Variants in WDFY4 observed in about 807,000 individuals in gnomAD.
WDFY4 encodes the protein WD repeat- and FYVE domain-containing protein 4.
In WDFY4, 169 loss-of-function variants were observed where a neutral mutation model predicts 351.9. That is an observed-to-expected ratio of 0.48 (90% CI 0.42 to 0.55). The LOEUF (loss-of-function observed/expected upper bound fraction) is 0.55. WDFY4 is among the 20% of genes least tolerant of loss of function. The pLI, the probability that WDFY4 is intolerant of heterozygous loss-of-function variation, is 0.00. For synonymous variants in WDFY4, 1,622 were observed against 1,574.6 expected (o/e 1.03, Z -0.71); for missense variants, 3,803 against 3,935.6 (o/e 0.97, Z 0.90).
Position 48,709,956 on chromosome 10 carries a change from T to G in WDFY4, c.224T>G (p.Leu75Arg). The change falls in exon 2 of 62, where the codon CTA (leucine) becomes CGA (arginine). Residue 75 changes from leucine to arginine, a missense_variant. Physicochemically the swap from Leu to Arg is moderately radical, Grantham distance 102 (BLOSUM62 -2). Transcript: ENST00000325239. ...AAGAGCCTGTTGAGTCTTCTCCCCC[T>G]ATTCCTAAAGGTTAGTGTTCTTATT... ...RQKSLLSLLP[L>R]FLKAWEHSVG... The G allele has an allele frequency of 6.4e-7, 1 of 1,551,148 alleles. No individual in the cohort carries two copies. Among genetic ancestry groups the G allele is most frequent in the South Asian group, 1.2e-5 (1 of 84,014 alleles).
At chr10:48,901,945 A>T (rs1188143572) in intron 47 of WDFY4, 82 bp downstream of exon 47, 1 of 1,325,080 alleles carries the variant, frequency 7.5e-7, no homozygotes, top group East Asian at 2.5e-5. Flanking sequence ...CACTCTAAAG[A>T]AGTCTTGCAG....
chr10:48,877,393 G>A (rs1187895540), intron 43 of WDFY4, among the ~76,000 whole-genome samples, 194 bp downstream of exon 43: 1 of 152,164 alleles, frequency 6.6e-6, no homozygotes, highest in African/African-American at 2.4e-5. Context: ...AGTGCAAAGG[G>A]AAGTCTATAC....
intron 1 of WDFY4, among the ~76,000 whole-genome samples, chr10:48,692,322 T>C (rs975238888): frequency 6.6e-6 from 1 of 152,044 alleles, no homozygotes; most frequent in Admixed American, 6.5e-5. Flanking sequence ...CCTATCCGAG[T>C]GACAGGAACA....
chr10:48,778,810 A>C lies in WDFY4; in HGVS notation c.3375A>C (p.Glu1125Asp), dbSNP rs1407549137. Residue 1125 changes from glutamate (E) to aspartate (D), a missense_variant, in exon 18 of 62, where the codon GAA becomes GAC. Transcript: ENST00000325239. ...PDDLSLVVST[E>D]EKEFQPLDVM... ...ACCTCTCCTTGGTTGTTTCTACAGA[A>C]GAGAAGGAGTTTCAGCCTCTGGGTA... 2 of 1,551,092 alleles carry C rather than the reference A, an allele frequency of 1.3e-6. No homozygotes were observed. Among genetic ancestry groups the C allele is most frequent in the East Asian group, 4.9e-5 (2 of 40,930 alleles).
At position 48,731,299 on chromosome 10, in the gene WDFY4, A is replaced by G; in HGVS notation, c.1319A>G (p.Lys440Arg). ...CAGTTTGTAGAGATCATGCCCCTGA[A>G]GCCGGCCCCAGTGCAGGAACACTTC... ...ISQFVEIMPL[K>R]PAPVQEHFFQ... The change falls in exon 9 of 62, where the codon AAG becomes AGG. Residue 440 changes from lysine to arginine, a missense_variant. This residue lies in a region of WDFY4 where 261 missense variants were observed against 330.2 expected (regional missense o/e 0.79). Coordinates refer to ENST00000325239, the MANE Select transcript of WDFY4 (RefSeq NM_001394531.1). 1 of 1,551,878 alleles carries G rather than the reference A, an allele frequency of 6.4e-7. No homozygotes were observed. The highest frequency in any genetic ancestry group is 8.7e-7 in the Non-Finnish European group (1 of 1,147,016).
intron 46 of WDFY4, among the ~76,000 whole-genome samples, chr10:48,900,960 A>G (rs1837321279): frequency 6.6e-6 from 1 of 152,158 alleles, no homozygotes; most frequent in Non-Finnish European, 1.5e-5. Flanking sequence ...GCTGATTAAC[A>G]GAGGGAGTGG....
chr10:48,759,417 TG>T (rs767055129), intron 12 of WDFY4, among the ~76,000 whole-genome samples: 2 of 152,200 alleles, frequency 1.3e-5, no homozygotes, highest in Non-Finnish European at 2.9e-5. Flanking sequence ...TATCTGTCTC[TG>T]GGGCCATGCA....
At chr10:48,771,690 C>T (rs1048281276) in intron 13 of WDFY4, among the ~76,000 whole-genome samples, 7 of 152,342 alleles carry the variant, frequency 4.6e-5, no homozygotes, top group South Asian at 2.1e-4. Context: ...TGCTGGAGCA[C>T]GTTTCAAACT....
At chr10:48,809,181 T>C (rs536915974) in intron 28 of WDFY4, among the ~76,000 whole-genome samples, 4 of 147,198 alleles carry the variant, frequency 2.7e-5, no homozygotes, top group East Asian at 4.0e-4. Context: ...ATCATCACCA[T>C]CACCATCATC....
chr10:48,884,521 T>C (rs2070379047), intron 43 of WDFY4, among the ~76,000 whole-genome samples: 1 of 152,066 alleles, frequency 6.6e-6, no homozygotes, highest in Non-Finnish European at 1.5e-5. Context: ...TGCAACCACA[T>C]GCACACACAT....
chr10:48,822,627 C>T (rs768156735), intron 35 of WDFY4, 90 bp downstream of exon 35: 147 of 1,351,386 alleles, frequency 1.1e-4, no homozygotes, highest in Non-Finnish European at 1.4e-4. Flanking sequence ...ATCTGCCCTC[C>T]CTCCCTGGAG....
intron 24 of WDFY4, among the ~76,000 whole-genome samples, chr10:48,799,526 C>T (rs1053677203): frequency 3.3e-5 from 5 of 152,088 alleles, no homozygotes; most frequent in African/African-American, 9.7e-5. Context: ...GCTGTAATCC[C>T]AGCACGAAGA....
Position 48,974,907 on chromosome 10 carries a change from G to C in WDFY4, c.8974G>C (p.Val2992Leu), listed in dbSNP as rs760574969. The C allele has an allele frequency of 1.6e-5, 25 of 1,551,074 alleles. No homozygotes were observed. The highest frequency in any genetic ancestry group is 1.9e-5 in the Non-Finnish European group (22 of 1,146,640). The stretch of plus-strand genomic sequence containing the variant: ...GGCTGTCACGTGCCTGGCAGCGTCA[G>C]TCACCTTCAGCCTCCTGGTGAGCGG... ...TQAVTCLAAS[V>L]TFSLLVSGSQ... The change falls in exon 58 of 62, where the codon GTC (valine) becomes CTC (leucine). Residue 2992 changes from valine (V) to leucine (L), a missense_variant. Coordinates refer to ENST00000325239, the MANE Select transcript of WDFY4 (RefSeq NM_001394531.1).
chr10:48,770,357 A>G (rs747298190), intron 13 of WDFY4, among the ~76,000 whole-genome samples: 9 of 152,270 alleles, frequency 5.9e-5, no homozygotes, highest in African/African-American at 9.6e-5. Flanking sequence ...GAACAAACCC[A>G]GAAGTCCCCA....
intron 43 of WDFY4, among the ~76,000 whole-genome samples, chr10:48,888,505 C>A (rs1452929392): frequency 1.3e-5 from 2 of 152,036 alleles, no homozygotes; most frequent in Admixed American, 1.3e-4. Flanking sequence ...AGTCTTGACC[C>A]TTTCTAATGC....
At chr10:48,848,057 A>T (rs982644214) in intron 39 of WDFY4, among the ~76,000 whole-genome samples, 2 of 152,178 alleles carry the variant, frequency 1.3e-5, no homozygotes, top group African/African-American at 4.8e-5. Flanking sequence ...AAGTGCAATT[A>T]CCTGGGCACT....
chr10:48,960,432 A>G lies in WDFY4; in HGVS notation c.8223+619A>G, dbSNP rs137888512. 9.1e-4 allele frequency among the ~76,000 whole-genome samples: 139 copies of G among 152,360 alleles called. No homozygotes were observed. In the East Asian group the frequency reaches 0.023, roughly 25 times the overall value. ...CCAGTGAAACCAATAGTTGATGAAA[A>G]TGTGGAGCAACTGGAATGCATGAGA... On this transcript the variant is annotated intron_variant, in intron 53 of 61. Coordinates refer to ENST00000325239, the MANE Select transcript of WDFY4 (RefSeq NM_001394531.1).
At chr10:48,905,598 C>A (rs763916147) in intron 47 of WDFY4, among the ~76,000 whole-genome samples, 2 of 152,160 alleles carry the variant, frequency 1.3e-5, no homozygotes, top group Non-Finnish European at 2.9e-5. Context: ...AGGTTGGAGA[C>A]CCTTGGAGAA....
chr10:48,737,217 C>G (rs1350478655), intron 11 of WDFY4, among the ~76,000 whole-genome samples: 1 of 152,076 alleles, frequency 6.6e-6, no homozygotes, highest in Admixed American at 6.5e-5. Context: ...GTTATGTTAT[C>G]TAGTCTGGTC....
Sources: gnomAD v4.1 joint callset for allele counts (sites outside exome capture counted in the v4.1 genomes callset) on GRCh38, gnomAD v4.1.1 for gene constraint, gnomAD v4.1.1 regional missense constraint, MANE v1.5 for transcripts, NCBI Gene and HGNC (gene_info 2026-07-23, HGNC 2026-07-21) for gene names.